The following CDH12 variants were observed in gnomAD, a reference collection of about 807,000 sequenced individuals.
CDH12 encodes cadherin-12.
In CDH12, 41 loss-of-function variants were observed where a neutral mutation model predicts 74.1. That is an observed-to-expected ratio of 0.55 (90% CI 0.43 to 0.72). CDH12 has a LOEUF of 0.72. Ranked by LOEUF, CDH12 falls within the 30% of genes least tolerant of loss-of-function variation. The pLI, the probability that CDH12 is intolerant of heterozygous loss-of-function variation, is 0.00. For missense variants in CDH12, 945 were observed against 977.2 expected (o/e 0.97, Z 0.44); for synonymous variants, 399 against 355.0 (o/e 1.12, Z -1.39).
Position 21,824,434 on chromosome 5 carries a change from C to A in CDH12, c.815-7302G>T, listed in dbSNP as rs1168700753. Among the ~76,000 whole-genome samples, 2 of 152,218 alleles carry A rather than the reference C, an allele frequency of 1.3e-5. 1 individual carries two copies. Among genetic ancestry groups the A allele is most frequent in the Non-Finnish European group, 2.9e-5 (2 of 68,012 alleles). ...ACCTCAGCCTCCAGATTTCAGGCGA[C>A]CCACTCCACAGGCAGATTCTCGCTT... is the stretch of plus-strand genomic sequence containing the variant. On this transcript the variant is annotated intron_variant, in intron 8 of 14. Coordinates refer to ENST00000382254, the MANE Select transcript of CDH12 (RefSeq NM_004061.5).
At position 22,632,810 on chromosome 5, in the gene CDH12, C is replaced by T. The variant is rs1325240714; in HGVS notation, c.-522-127446G>A. ...TGATGAAAAATATTAATCTCTGCCA[C>T]CAAGACTCTTGATAAATTCAAAATA... is the stretch of plus-strand genomic sequence containing the variant. On this transcript the variant is annotated intron_variant, in intron 1 of 14. Transcript: ENST00000382254. Among the ~76,000 whole-genome samples, 5 of 151,860 alleles carry T rather than the reference C, an allele frequency of 3.3e-5. No individual in the cohort carries two copies. In the East Asian group the frequency reaches 5.8e-4, roughly 18 times the overall value.
intron 3 of CDH12, among the ~76,000 whole-genome samples, chr5:22,315,171 C>T (rs529192559): frequency 4.9e-5 from 6 of 123,406 alleles, no homozygotes; most frequent in Admixed American, 1.1e-4. Flanking sequence ...ACCGTGTTAG[C>T]CGGGATGGTC....
chr5:22,295,185 C>T (rs1023164111), intron 3 of CDH12, among the ~76,000 whole-genome samples: 2 of 151,988 alleles, frequency 1.3e-5, no homozygotes, highest in African/African-American at 4.8e-5. Context: ...GTCTTCCTTG[C>T]CTGTTTACTT....
intron 3 of CDH12, among the ~76,000 whole-genome samples, chr5:22,362,878 C>A (rs1312997821): frequency 3.7e-5 from 5 of 135,626 alleles, no homozygotes; most frequent in Non-Finnish European, 7.5e-5. Context: ...GGGAACTGAA[C>A]AATGAGAACA....
rs1462073015 is a variant in CDH12, at chr5:22,654,185, CTTTCTTTCTTTCT to C, written c.-522-148834_-522-148822del. Among the ~76,000 whole-genome samples the C allele has an allele frequency of 1.8e-4, 27 of 148,380 alleles. No individual in the cohort carries two copies. In the East Asian group the frequency reaches 4.6e-3, roughly 25 times the overall value. ...CCCTCCCTTCCTTCCTTTCTTCTTT[CTTTCTTTCTTTCT>C]TTTCTTTCTTTCTTTCTTTTTGTTT... On this transcript the variant is annotated intron_variant, in intron 1 of 14. Transcript: ENST00000382254.
intron 1 of CDH12, among the ~76,000 whole-genome samples, chr5:22,597,403 G>A (rs1186172608): frequency 6.6e-6 from 1 of 152,068 alleles, no homozygotes; most frequent in Admixed American, 6.6e-5. Context: ...GCTTTAATAG[G>A]TCAGGCTTTC....
intron 1 of CDH12, among the ~76,000 whole-genome samples, chr5:22,514,850 A>G (rs906953707): frequency 6.6e-6 from 1 of 152,174 alleles, no homozygotes; most frequent in South Asian, 2.1e-4. Flanking sequence ...GATAAGAAGA[A>G]CAAGAAATAA....
chr5:22,173,692 T>C (rs572411991), intron 4 of CDH12, among the ~76,000 whole-genome samples: 11 of 151,992 alleles, frequency 7.2e-5, no homozygotes, highest in African/African-American at 2.2e-4. Context: ...TAGCTATTCA[T>C]ATACTAAAAT....
At chr5:22,739,312 T>TTTA (rs1560995579) in intron 1 of CDH12, among the ~76,000 whole-genome samples, 27 of 75,876 alleles carry the variant, frequency 3.6e-4, no homozygotes, top group Admixed American at 1.0e-3. Flanking sequence ...AATTTAAAAA[T>TTTA]TTTACTTTTT....
chr5:22,308,405 A>C (rs1738221288), intron 3 of CDH12, among the ~76,000 whole-genome samples: 1 of 152,164 alleles, frequency 6.6e-6, no homozygotes, highest in African/African-American at 2.4e-5. Flanking sequence ...AGGATGGCTC[A>C]ATTATTTTGA....
At chr5:22,065,152 C>G (rs1307806250) in intron 5 of CDH12, among the ~76,000 whole-genome samples, 2 of 152,114 alleles carry the variant, frequency 1.3e-5, no homozygotes, top group African/African-American at 4.8e-5. Context: ...CTTCCCAGGA[C>G]CCACCTCACT....
chr5:22,075,423 G>A (rs1189167514), intron 5 of CDH12, among the ~76,000 whole-genome samples: 1 of 151,692 alleles, frequency 6.6e-6, no homozygotes, highest in African/African-American at 2.4e-5. Flanking sequence ...TAACAAACCT[G>A]CACGTTGTGC....
At chr5:22,785,851 C>A (rs80107414) in intron 1 of CDH12, among the ~76,000 whole-genome samples, 3,849 of 152,114 alleles carry the variant, frequency 0.025, 152 homozygotes, top group African/African-American at 0.087. Flanking sequence ...CTTGAGGAAC[C>A]CTTACACACT....
chr5:22,810,961 A>G (rs1340663082), intron 1 of CDH12, among the ~76,000 whole-genome samples: 1 of 151,950 alleles, frequency 6.6e-6, no homozygotes, highest in Non-Finnish European at 1.5e-5. Context: ...ATATACATAT[A>G]TACTTACATA....
At chr5:22,640,129 C>T (rs1739069641) in intron 1 of CDH12, among the ~76,000 whole-genome samples, 1 of 152,074 alleles carries the variant, frequency 6.6e-6, no homozygotes, top group Non-Finnish European at 1.5e-5. Context: ...GAAACCATAT[C>T]TTCATTTCTC....
chr5:22,531,783 T>C (rs755662980), intron 1 of CDH12, among the ~76,000 whole-genome samples: 1 of 152,024 alleles, frequency 6.6e-6, no homozygotes, highest in Non-Finnish European at 1.5e-5. Context: ...GGAAACACAC[T>C]GGTGTAAAAA....
At chr5:22,763,723 T>C (rs748000777) in intron 1 of CDH12, among the ~76,000 whole-genome samples, 1 of 151,948 alleles carries the variant, frequency 6.6e-6, no homozygotes, top group African/African-American at 2.4e-5. Flanking sequence ...CTTGCTACAG[T>C]GTTTCCAAGT....
chr5:22,005,576 T>TA (rs34608588), intron 5 of CDH12, among the ~76,000 whole-genome samples: 1,643 of 142,624 alleles, frequency 0.012, 18 homozygotes, highest in East Asian at 0.034. Flanking sequence ...GTGATCTACT[T>TA]AAAAAAAAAA....
At chr5:21,790,959 C>T (rs537692001) in intron 10 of CDH12, among the ~76,000 whole-genome samples, 6 of 152,102 alleles carry the variant, frequency 3.9e-5, no homozygotes, top group African/African-American at 9.6e-5. Context: ...GACTGTCATT[C>T]GCTACTTTCT....
Sources: allele counts gnomAD v4.1 joint callset (sites outside exome capture counted in the v4.1 genomes callset), GRCh38; gene constraint gnomAD v4.1.1; transcripts MANE v1.5; gene names NCBI Gene and HGNC (gene_info 2026-07-23, HGNC 2026-07-21).